The following NCOR2 variants were observed in gnomAD, a reference collection of about 807,000 sequenced individuals.
The protein encoded by NCOR2 is CTG repeat protein 26.
NCOR2 carries 81 observed loss-of-function variants against 262.9 expected under a neutral mutation model. The observed-to-expected ratio is 0.31, with a 90% CI of 0.26 to 0.37. The LOEUF is 0.37. NCOR2 is among the 10% of genes least tolerant of loss of function. The pLI, the probability that NCOR2 is intolerant of heterozygous loss-of-function variation, is 1.00. For missense variants in NCOR2, 3,385 were observed against 3,621.4 expected (o/e 0.93, Z 1.68); for synonymous variants, 1,659 against 1,559.3 (o/e 1.06, Z -1.51).
Position 124,483,727 on chromosome 12 carries a change from C to G in NCOR2, c.280G>C (p.Glu94Gln), listed in dbSNP as rs758428234. The G allele has an allele frequency of 6.2e-7, 1 of 1,611,274 alleles. No individual in the cohort carries two copies. The highest frequency in any genetic ancestry group is 1.7e-5 in the Admixed American group (1 of 59,716). Residue 94 changes from glutamate to glutamine, a missense_variant, in exon 3 of 47, where the codon GAG becomes CAG. Physicochemically the swap from Glu to Gln is conservative, Grantham distance 29. Coordinates refer to ENST00000405201, the Ensembl canonical transcript of NCOR2. The surrounding 1 kb of genome is among the most constrained non-coding windows in gnomAD (Gnocchi z 6.3). ...AACTCCATCTCTGACTTCCCCAGCT[C>G]GGGCAGGTATGAGTGGGACTCTGGC... is the stretch of plus-strand genomic sequence containing the variant.
chr12:124,507,577 C>G (rs1359118526), intron 1 of NCOR2, among the ~76,000 whole-genome samples: 1 of 152,220 alleles, frequency 6.6e-6, no homozygotes, highest in East Asian at 1.9e-4. Flanking sequence ...ATGACGGCCA[C>G]AGGGCATGGC....
In NCOR2 at chr12:124,389,870, G is replaced by A. The variant is rs1194155007; in HGVS notation, c.1877-3983C>T. ...GCCCCTGCAGCCGTGAAGGAACACTGTGGGAAATGCCGGGGAGCCACCCAG... is the reference window on the plus strand; with the variant it reads ...GCCCCTGCAGCCGTGAAGGAACACTATGGGAAATGCCGGGGAGCCACCCAG... On this transcript the variant is annotated intron_variant, in intron 16 of 46. Coordinates refer to ENST00000405201, the Ensembl canonical transcript of NCOR2. This position sits in a 1 kb window ranked among gnomAD's most constrained non-coding sequence, Gnocchi z 4.4. Among the ~76,000 whole-genome samples, 2 of 152,122 alleles carry A rather than the reference G, an allele frequency of 1.3e-5. No homozygotes were observed. The highest frequency in any genetic ancestry group is 2.9e-5 in the Non-Finnish European group (2 of 68,018).
At chr12:124,347,722 T>C (rs2037059009) in intron 30 of NCOR2, 103 bp downstream of exon 32, 2 of 1,161,000 alleles carry the variant, frequency 1.7e-6, no homozygotes, top group African/African-American at 1.5e-5. Context: ...TCTGCATACT[T>C]GTCCTGAGTT....
At chr12:124,501,058 GCGCGCACA>G (rs1300372328) in intron 1 of NCOR2, among the ~76,000 whole-genome samples, 12 of 66,216 alleles carry the variant, frequency 1.8e-4, no homozygotes, top group African/African-American at 5.7e-4. Context: ...GCGCGCGCAC[GCGCGCACA>G]CACACACACA....
exon 10 of NCOR2, chr12:124,429,667 G>A (rs761578127): frequency 5.6e-6 from 9 of 1,609,334 alleles, no homozygotes; most frequent in Admixed American, 1.7e-5. Flanking sequence ...CGCTGCGGGC[G>A]GCCGACATGG....
At chr12:124,375,478 C>A (rs2039917875) in intron 18 of NCOR2, among the ~76,000 whole-genome samples, 1 of 152,202 alleles carries the variant, frequency 6.6e-6, no homozygotes, top group South Asian at 2.1e-4. Context: ...CAAGAATCAG[C>A]ACTTCTAACA....
Position 124,336,733 on chromosome 12 carries a change from C to T in NCOR2, c.6115+20G>A, listed in dbSNP as rs373113589. 90 of 1,610,802 alleles carry T rather than the reference C, an allele frequency of 5.6e-5. No individual in the cohort carries two copies. The highest frequency in any genetic ancestry group is 1.7e-4 in the Middle Eastern group (1 of 6,010). ...TGATAATCGCGTCTATGAAGGTGGC[C>T]GCTGTCAGGGTGGTCTTACCCAGAG... On this transcript the variant is annotated intron_variant, in intron 38 of 46. Transcript: ENST00000405201.
intron 3 of NCOR2, among the ~76,000 whole-genome samples, chr12:124,475,156 G>A (rs1261916345): frequency 6.6e-6 from 1 of 152,116 alleles, no homozygotes; most frequent in East Asian, 1.9e-4. Context: ...GCAGGGGCCT[G>A]GACAACCCGG....
At chr12:124,437,385 A>G (rs2044406657) in intron 8 of NCOR2, among the ~76,000 whole-genome samples, 1 of 152,220 alleles carries the variant, frequency 6.6e-6, no homozygotes, top group South Asian at 2.1e-4. Flanking sequence ...TCCACAGCCT[A>G]CAGTGAGAAG....
chr12:124,471,602 C>T (rs564600668), intron 4 of NCOR2, among the ~76,000 whole-genome samples: 1 of 152,376 alleles, frequency 6.6e-6, no homozygotes, highest in African/African-American at 2.4e-5. Context: ...GATAGAGTCT[C>T]ACTCTGTTGC....
At chr12:124,439,250 G>A (rs2044645806) in intron 7 of NCOR2, among the ~76,000 whole-genome samples, 2 of 150,936 alleles carry the variant, frequency 1.3e-5, no homozygotes, top group Non-Finnish European at 2.9e-5. Context: ...CAGAGACCCA[G>A]AGAGAGAGAG....
intron 37 of NCOR2, among the ~76,000 whole-genome samples, chr12:124,339,208 A>C (rs1460718177): frequency 2.8e-4 from 20 of 71,962 alleles, no homozygotes; most frequent in African/African-American, 3.7e-4. Flanking sequence ...ACCTAACCCG[A>C]TCTACCTACC....
rs1436389611 is a variant in NCOR2, at chr12:124,341,258, G to A, written c.5189-507C>T. Among the ~76,000 whole-genome samples, 6 of 146,402 alleles carry A rather than the reference G, an allele frequency of 4.1e-5. No homozygotes were observed. The East Asian group carries it at 7.9e-4, about 19-fold the overall frequency. On this transcript the variant is annotated intron_variant, in intron 34 of 46. Transcript: ENST00000405201. ...ACATTTTCATCTTTTTTTTTTTTTC[G>A]AGACACAGTCTTGCCCTGTTGCCCA...
At chr12:124,491,035 C>T (rs2048055343) in intron 1 of NCOR2, among the ~76,000 whole-genome samples, 1 of 152,244 alleles carries the variant, frequency 6.6e-6, no homozygotes, top group Non-Finnish European at 1.5e-5. Context: ...GGCCCAAGGC[C>T]AAGGCAGCAG....
chr12:124,545,305 G>C (rs1168967809), intron 1 of NCOR2, among the ~76,000 whole-genome samples: 1 of 152,178 alleles, frequency 6.6e-6, no homozygotes, highest in Non-Finnish European at 1.5e-5. Context: ...CATAGGCTTT[G>C]GTGACCACCA....
At position 124,419,626 on chromosome 12, in the gene NCOR2, T is replaced by G. The variant is rs1565926165; in HGVS notation, c.1482+331A>C. On this transcript the variant is annotated intron_variant, in intron 13 of 46. Transcript: ENST00000405201. Reference sequence around the variant, plus strand: ...TCCTGGGAAGCTCTTACTTTTGGAATGTAGCCTTTTTACGCACAGAGATCA... The same window carrying G: ...TCCTGGGAAGCTCTTACTTTTGGAAGGTAGCCTTTTTACGCACAGAGATCA... Among the ~76,000 whole-genome samples the G allele has an allele frequency of 3.3e-5, 5 of 152,358 alleles. No individual in the cohort carries two copies. In the South Asian group the frequency reaches 8.3e-4, roughly 25 times the overall value.
At chr12:124,416,673 G>A (rs116299994) in intron 13 of NCOR2, among the ~76,000 whole-genome samples, 2,419 of 142,678 alleles carry the variant, frequency 0.017, 82 homozygotes, top group African/African-American at 0.061. Context: ...ACAGCACAGG[G>A]AGACCCGCGA....
chr12:124,342,931 C>T, intron 33 of NCOR2, 74 bp downstream of exon 35: 8 of 1,522,698 alleles, frequency 5.3e-6, no homozygotes, highest in Non-Finnish European at 7.1e-6. Context: ...TAAGGAGTCC[C>T]TGAGCGAACA....
chr12:124,429,404 C>T (rs1358914217), intron 10 of NCOR2: 18 of 577,766 alleles, frequency 3.1e-5, no homozygotes, highest in Non-Finnish European at 4.9e-5. Context: ...TGCTACCCTC[C>T]CTCTCAGACA....
Sources: allele counts gnomAD v4.1 joint callset (sites outside exome capture counted in the v4.1 genomes callset), GRCh38; gene constraint gnomAD v4.1.1; non-coding constraint Gnocchi (gnomAD v3.1); transcripts MANE v1.5; gene names NCBI Gene and HGNC (gene_info 2026-07-23, HGNC 2026-07-21).